ATL2: variants seen among roughly 807,000 people sequenced by gnomAD.
The protein encoded by ATL2 is atlastin-2.
A neutral mutation model predicts 73.9 loss-of-function variants in ATL2; 31 were observed. The observed-to-expected ratio is 0.42, with a 90% confidence interval of 0.32 to 0.57. The LOEUF (loss-of-function observed/expected upper bound fraction) is 0.57. Among genes scored for constraint, ATL2 ranks in the 20% least tolerant of loss-of-function variants. The pLI is 0.14. For missense variants in ATL2, 738 were observed against 702.6 expected (o/e 1.05, Z -0.57); for synonymous variants, 291 against 237.5 (o/e 1.23, Z -2.07).
chr2:38,377,011 G>A (rs1051578673), intron 1 of ATL2, 132 bp downstream of exon 1: 9 of 651,534 alleles, frequency 1.4e-5, no homozygotes, highest in African/African-American at 7.9e-5. Context: ...CGGCGGGCAG[G>A]CGCGGCGGCG....
intron 1 of ATL2, among the ~76,000 whole-genome samples, chr2:38,374,948 A>G (rs944598105): frequency 5.3e-5 from 8 of 152,228 alleles, no homozygotes; most frequent in Admixed American, 3.3e-4. Flanking sequence ...TCTTTTCCCT[A>G]TAATATCTTT....
chr2:38,334,502 G>A (rs1026987218), intron 2 of ATL2, among the ~76,000 whole-genome samples: 3 of 151,690 alleles, frequency 2.0e-5, no homozygotes. Flanking sequence ...AGGAGTTCAA[G>A]ACCAGCCTCA....
intron 1 of ATL2, among the ~76,000 whole-genome samples, chr2:38,370,131 G>A (rs1215658320): frequency 1.4e-5 from 2 of 142,250 alleles, no homozygotes; most frequent in African/African-American, 5.5e-5. Context: ...CTCCAACCTG[G>A]GCGACAGCGA....
At chr2:38,299,719 C>T (rs1020444326) in intron 10 of ATL2, among the ~76,000 whole-genome samples, 1 of 152,188 alleles carries the variant, frequency 6.6e-6, no homozygotes. Flanking sequence ...ACAAACCTTA[C>T]TGCACGAAGT....
At chr2:38,296,712 GAA>G in intron 12 of ATL2, 1 of 1,552,796 alleles carries the variant, frequency 6.4e-7, no homozygotes, top group Non-Finnish European at 8.7e-7. Flanking sequence ...TGAAGCAAAA[GAA>G]AAGAGAAATG....
At chr2:38,326,030 G>A (rs994476880) in intron 2 of ATL2, among the ~76,000 whole-genome samples, 1 of 151,926 alleles carries the variant, frequency 6.6e-6, no homozygotes, top group African/African-American at 2.4e-5. Flanking sequence ...CTGAGCTCAG[G>A]AGTTCCAGAC....
intron 1 of ATL2, among the ~76,000 whole-genome samples, chr2:38,360,680 T>C (rs1047899505): frequency 2.0e-5 from 3 of 152,012 alleles, no homozygotes; most frequent in African/African-American, 7.2e-5. Context: ...TTGAAGAAAA[T>C]CTCACCTCAA....
At position 38,366,118 on chromosome 2, in the gene ATL2, G is replaced by C. The variant is rs539070912; in HGVS notation, c.118+11025C>G. Among the ~76,000 whole-genome samples the C allele has an allele frequency of 7.4e-5, 10 of 135,462 alleles. No homozygotes were observed. The East Asian group carries it at 2.0e-3, about 27-fold the overall frequency. 88.9% of individuals were successfully genotyped at this position (135,462 alleles called of 152,430 possible). On this transcript the variant is annotated intron_variant, in intron 1 of 12. Transcript: ENST00000378954. Reference sequence around the variant, plus strand: ...ATTTGAAAAAAAAAAAAAAAACAAAGATAAAGTCAGAGCTTCGCACTATAC... The same window carrying C: ...ATTTGAAAAAAAAAAAAAAAACAAACATAAAGTCAGAGCTTCGCACTATAC...
At chr2:38,332,368 G>A (rs558094169) in intron 2 of ATL2, among the ~76,000 whole-genome samples, 47 of 151,956 alleles carry the variant, frequency 3.1e-4, no homozygotes, top group African/African-American at 1.1e-3. Flanking sequence ...CACCACGCTC[G>A]GCTAATTTTT....
intron 1 of ATL2, chr2:38,376,459 C>T (rs1671973685): frequency 3.6e-6 from 1 of 276,178 alleles, no homozygotes; most frequent in South Asian, 1.5e-4. Context: ...GCTCATAACC[C>T]CAGTTTGACA....
intron 2 of ATL2, among the ~76,000 whole-genome samples, chr2:38,337,902 G>C (rs13431831): frequency 0.25 from 38,206 of 151,996 alleles, 4,872 homozygotes; most frequent in South Asian, 0.37. Context: ...GGAGAATTTA[G>C]TAATAATAGC....
chr2:38,376,804 C>A (rs1671996957), intron 1 of ATL2, among the ~76,000 whole-genome samples: 1 of 151,668 alleles, frequency 6.6e-6, no homozygotes, highest in African/African-American at 2.4e-5. Context: ...CCCGGGCAGG[C>A]GGCCACGGCT....
At chr2:38,311,700 T>C (rs1667766301) in intron 7 of ATL2, among the ~76,000 whole-genome samples, 1 of 152,194 alleles carries the variant, frequency 6.6e-6, no homozygotes, top group Non-Finnish European at 1.5e-5. Context: ...GGTTGCTGTA[T>C]GGAGGTGAGT....
chr2:38,306,175 C>G (rs1397424529), intron 9 of ATL2, among the ~76,000 whole-genome samples: 1 of 152,144 alleles, frequency 6.6e-6, no homozygotes, highest in Non-Finnish European at 1.5e-5. Context: ...ACATATACAA[C>G]CTACCAAGAT....
At chr2:38,296,446 G>C in intron 12 of ATL2, 2 of 1,568,960 alleles carry the variant, frequency 1.3e-6, no homozygotes. Context: ...GTGTAAGTGT[G>C]AACACTTCAG....
rs139020636 is a variant in ATL2 at position 38,306,334 on chromosome 2, C to T, written c.1071+3045G>A. ...AAACATTTAAAGAACTAATACCAATCCTACTCAACTATTCCAAAAACCAGA... is the reference window on the plus strand; with the variant it reads ...AAACATTTAAAGAACTAATACCAATTCTACTCAACTATTCCAAAAACCAGA... On this transcript the variant is annotated intron_variant, in intron 9 of 12. Transcript: ENST00000378954. 1.3e-5 allele frequency among the ~76,000 whole-genome samples: 2 copies of T among 152,286 alleles called. 1 individual carries two copies. Among genetic ancestry groups the T allele is most frequent in the South Asian group, 4.1e-4 (2 of 4,826 alleles).
intron 1 of ATL2, among the ~76,000 whole-genome samples, chr2:38,367,467 A>C (rs910638276): frequency 6.6e-6 from 1 of 150,514 alleles, no homozygotes; most frequent in African/African-American, 2.4e-5. Context: ...TTAGCCGGGC[A>C]TGGTGGCGGG....
intron 2 of ATL2, among the ~76,000 whole-genome samples, chr2:38,332,373 A>G (rs1342546479): frequency 6.6e-6 from 1 of 151,984 alleles, no homozygotes; most frequent in Non-Finnish European, 1.5e-5. Context: ...CGCTCGGCTA[A>G]TTTTTTGATT....
intron 2 of ATL2, among the ~76,000 whole-genome samples, chr2:38,327,201 C>T (rs886496357): frequency 2.0e-5 from 3 of 151,846 alleles, no homozygotes; most frequent in African/African-American, 7.3e-5. Flanking sequence ...GTCAGAAACT[C>T]AAATCTACAT....
Sources: gnomAD v4.1 joint callset for allele counts (sites outside exome capture counted in the v4.1 genomes callset) on GRCh38, gnomAD v4.1.1 for gene constraint, MANE v1.5 for transcripts, NCBI Gene and HGNC (gene_info 2026-07-23, HGNC 2026-07-21) for gene names.